Variants in EML5 observed in about 807,000 individuals in gnomAD.
EML5 encodes the protein EMAP like 5, also known as echinoderm microtubule-associated protein-like 5.
A neutral mutation model predicts 250.0 loss-of-function variants in EML5; 120 were observed. The ratio of observed to expected loss-of-function variants is 0.48; its 90% CI spans 0.41 to 0.56. The LOEUF is 0.56. Ranked by LOEUF, EML5 falls within the 20% of genes least tolerant of loss-of-function variation. EML5 has a pLI of 0.00. For synonymous variants in EML5, 771 were observed against 806.5 expected (o/e 0.96, Z 0.75); for missense variants, 2,006 against 2,437.6 (o/e 0.82, Z 3.73).
chr14:88,740,272 C>T, intron 5 of EML5, 115 bp downstream of exon 5: 1 of 786,622 alleles, frequency 1.3e-6, no homozygotes, highest in Admixed American at 3.3e-5. Flanking sequence ...GTTAGAAAAG[C>T]ATTTTCAAGC....
At chr14:88,682,103 G>A (rs2141170852) in intron 20 of EML5, 72 bp from the exon 21 acceptor site, 3 of 1,349,104 alleles carry the variant, frequency 2.2e-6, no homozygotes, top group East Asian at 5.2e-5. Flanking sequence ...TTAGAATAAA[G>A]CTAAAGATAC....
chr14:88,745,172 TGTG>T (rs1566740305), intron 3 of EML5, among the ~76,000 whole-genome samples: 268 of 150,456 alleles, frequency 1.8e-3, no homozygotes, highest in Admixed American at 2.8e-3. Context: ...TGTGTTTGTG[TGTG>T]TGTGTGTGTG....
intron 20 of EML5, among the ~76,000 whole-genome samples, chr14:88,683,069 G>A (rs1272786390): frequency 2.1e-5 from 3 of 139,768 alleles, no homozygotes; most frequent in Non-Finnish European, 4.8e-5. Flanking sequence ...CTCAAAAACA[G>A]TGAAAATTGT....
rs545744009 is a variant in EML5, at chr14:88,627,497, C to T, written c.4531+149G>A. On this transcript the variant is annotated intron_variant, in intron 34 of 43. Coordinates refer to ENST00000554922, the MANE Select transcript of EML5 (RefSeq NM_183387.3). Reference sequence around the variant, plus strand: ...CACTGGGCTTTTAAAGTGAAATATACCTACAGTACCACTGTGTACAGTATA... The same window carrying T: ...CACTGGGCTTTTAAAGTGAAATATATCTACAGTACCACTGTGTACAGTATA... 15 of 680,892 alleles carry T rather than the reference C, an allele frequency of 2.2e-5. No homozygotes were observed. In the African/African-American group the frequency reaches 2.6e-4, roughly 12 times the overall value. The allele number at this position is 680,892 out of a possible 1,614,324, so 42.2% of individuals were successfully genotyped here.
chr14:88,638,426 AC>A (rs768065998), intron 32 of EML5, among the ~76,000 whole-genome samples: 9 of 152,124 alleles, frequency 5.9e-5, no homozygotes, highest in Non-Finnish European at 1.3e-4. Flanking sequence ...GCAGGGTTCT[AC>A]CCCGCCCAGT....
At position 88,746,097 on chromosome 14, in the gene EML5, A is replaced by T. The variant is rs866288065; in HGVS notation, c.456+88T>A. ...ATTACATATGACCTATCTGGCAATAACAAAATACAGAAGAATAAAATCTCC... is the reference window on the plus strand; with the variant it reads ...ATTACATATGACCTATCTGGCAATATCAAAATACAGAAGAATAAAATCTCC... On this transcript the variant is annotated intron_variant, in intron 3 of 43. Transcript: ENST00000554922. 26 of 1,072,564 alleles carry T rather than the reference A, an allele frequency of 2.4e-5. 2 individuals carry two copies. In the Middle Eastern group the frequency reaches 4.0e-3, roughly 164 times the overall value. The allele number at this position is 1,072,564 out of a possible 1,614,324, so 66.4% of individuals were successfully genotyped here.
chr14:88,749,556 C>T (rs962484921), intron 2 of EML5, among the ~76,000 whole-genome samples: 1 of 151,934 alleles, frequency 6.6e-6, no homozygotes, highest in Admixed American at 6.6e-5. Context: ...CAACTATTTA[C>T]GGCAAAATAA....
chr14:88,694,469 C>T, intron 16 of EML5, 62 bp from the exon 17 acceptor site: 1 of 1,137,876 alleles, frequency 8.8e-7, no homozygotes. Context: ...TAATCTCTTG[C>T]CTAATCCATA....
intron 14 of EML5, among the ~76,000 whole-genome samples, chr14:88,697,506 G>C (rs2093106106): frequency 6.6e-6 from 1 of 152,268 alleles, no homozygotes; most frequent in African/African-American, 2.4e-5. Flanking sequence ...CATGTCTATA[G>C]ACCTGAAAAG....
chr14:88,645,703 A>G (rs1309613157), intron 29 of EML5, among the ~76,000 whole-genome samples: 1 of 152,208 alleles, frequency 6.6e-6, no homozygotes, highest in Admixed American at 6.5e-5. Context: ...AAGACATTTT[A>G]TAGTCACAAA....
At chr14:88,777,795 G>A (rs974355605) in intron 1 of EML5, among the ~76,000 whole-genome samples, 6 of 152,160 alleles carry the variant, frequency 3.9e-5, no homozygotes, top group Non-Finnish European at 8.8e-5. Flanking sequence ...GGGCAACATG[G>A]CAAAATCCAT....
In EML5 at chr14:88,620,914, T is replaced by A; in HGVS notation, c.5215A>T (p.Lys1739Ter). ...WDIADKKMLN[K>*]VNLGHAARTV... ...CGAGCAGCATGTCCCAAATTCACTT[T>A]GTTTAACATCTTCTGCATTTAAAAA... The change falls in exon 39 of 44, where the codon AAA becomes TAA. Residue 1739 changes from lysine to a stop codon, truncating the protein, a stop_gained. Coordinates refer to ENST00000554922, the MANE Select transcript of EML5 (RefSeq NM_183387.3). LOFTEE classifies it high-confidence loss of function. The surrounding 1 kb of genome is among the most constrained non-coding windows in gnomAD (Gnocchi z 4.3). 6.6e-7 allele frequency: 1 copy of A among 1,507,322 alleles called. No individual in the cohort carries two copies. Among genetic ancestry groups the A allele is most frequent in the African/African-American group, 1.4e-5 (1 of 69,584 alleles). 93.4% of individuals were successfully genotyped at this position (1,507,322 alleles called of 1,614,324 possible). A position where few individuals can be genotyped will look rare whatever the true frequency, so the allele number is the denominator to read the frequency against.
At chr14:88,667,617 C>A (rs1595446487) in intron 21 of EML5, among the ~76,000 whole-genome samples, 1 of 152,082 alleles carries the variant, frequency 6.6e-6, no homozygotes, top group South Asian at 2.1e-4. Context: ...GCCTCACAGA[C>A]TTTTTTGCTA....
At chr14:88,785,886 T>G (rs2094546333) in intron 1 of EML5, among the ~76,000 whole-genome samples, 1 of 152,314 alleles carries the variant, frequency 6.6e-6, no homozygotes, top group East Asian at 1.9e-4. Flanking sequence ...AGTCAAATTA[T>G]GTCACTATTT....
intron 2 of EML5, among the ~76,000 whole-genome samples, chr14:88,754,160 T>C (rs2094133423): frequency 6.6e-6 from 1 of 152,078 alleles, no homozygotes; most frequent in South Asian, 2.1e-4. Flanking sequence ...ATAAAACATA[T>C]ACAGCTTTCT....
intron 21 of EML5, among the ~76,000 whole-genome samples, chr14:88,669,842 T>C (rs1290401724): frequency 6.6e-6 from 1 of 152,176 alleles, no homozygotes; most frequent in Non-Finnish European, 1.5e-5. Context: ...GCGTTTCCAC[T>C]GGTATCAGTT....
At chr14:88,742,536 A>T (rs2093939480) in intron 4 of EML5, among the ~76,000 whole-genome samples, 1 of 152,164 alleles carries the variant, frequency 6.6e-6, no homozygotes, top group Non-Finnish European at 1.5e-5. Context: ...GTTTGAGATA[A>T]GCTTTTTATA....
intron 1 of EML5, among the ~76,000 whole-genome samples, chr14:88,770,082 C>A (rs1300702938): frequency 6.6e-6 from 1 of 151,730 alleles, no homozygotes; most frequent in Non-Finnish European, 1.5e-5. Context: ...GAGGAAAGAG[C>A]GCTTGTGAAA....
intron 1 of EML5, among the ~76,000 whole-genome samples, chr14:88,777,135 G>A (rs555594304): frequency 3.9e-5 from 6 of 152,028 alleles, no homozygotes; most frequent in Non-Finnish European, 7.4e-5. Flanking sequence ...CTACTTCAAG[G>A]CATTTAATAG....
Sources: gnomAD v4.1 joint callset for allele counts (sites outside exome capture counted in the v4.1 genomes callset) on GRCh38, gnomAD v4.1.1 for gene constraint, Gnocchi (gnomAD v3.1) non-coding constraint, MANE v1.5 for transcripts, NCBI Gene and HGNC (gene_info 2026-07-23, HGNC 2026-07-21) for gene names.